PBX1: variants seen among roughly 807,000 people sequenced by gnomAD.
The protein encoded by PBX1 is PBX homeobox 1.
Under a neutral mutation model 53.4 loss-of-function variants are expected in PBX1, and 6 were observed. The ratio of observed to expected loss-of-function variants is 0.11; its 90% confidence interval spans 0.06 to 0.22. PBX1 has a LOEUF of 0.22. PBX1 is among the 10% of genes least tolerant of loss of function. The pLI is 1.00. For missense variants in PBX1, 251 were observed against 551.4 expected (o/e 0.46, Z 5.46); for synonymous variants, 204 against 212.3 (o/e 0.96, Z 0.34).
chr1:164,848,929 A>T lies in PBX1; in HGVS notation c.*2253A>T. On this transcript the variant is annotated 3_prime_UTR_variant, in exon 9 of 9. Transcript: ENST00000420696. ...ACTAAGTATTTAGCAAAATGAAATT[A>T]TGCCTTGATGACTAAAAGGCACTAG... The T allele has an allele frequency of 9.3e-7, 1 of 1,072,580 alleles. No individual in the cohort carries two copies. The highest frequency in any genetic ancestry group is 1.6e-5 in the African/African-American group (1 of 61,512). The allele number at this position is 1,072,580 out of a possible 1,614,324, so 66.4% of individuals were successfully genotyped here.
intron 4 of PBX1, among the ~76,000 whole-genome samples, chr1:164,805,194 C>T (rs1669287824): frequency 6.6e-6 from 1 of 152,174 alleles, no homozygotes; most frequent in Non-Finnish European, 1.5e-5. Context: ...AGATGCCCAA[C>T]TCACAAAGCT....
intron 2 of PBX1, among the ~76,000 whole-genome samples, chr1:164,633,981 G>T (rs1658581190): frequency 6.6e-6 from 1 of 152,202 alleles, no homozygotes; most frequent in Non-Finnish European, 1.5e-5. Context: ...ATTCAATTGA[G>T]GAAGGAGCTC....
At chr1:164,825,555 T>C (rs1670415780) in intron 8 of PBX1, among the ~76,000 whole-genome samples, 1 of 152,216 alleles carries the variant, frequency 6.6e-6, no homozygotes, top group Non-Finnish European at 1.5e-5. Flanking sequence ...CTACTTTAAA[T>C]GCTTATCCAC....
At chr1:164,853,773 G>A (rs1671914421), downstream of PBX1, among the ~76,000 whole-genome samples, 1 of 152,052 alleles carries the variant, frequency 6.6e-6, no homozygotes. Context: ...AAGTCTGGCA[G>A]CCAGCAGTCA....
chr1:164,599,591 A>C (rs1656023928), intron 2 of PBX1, among the ~76,000 whole-genome samples: 1 of 151,866 alleles, frequency 6.6e-6, no homozygotes. Flanking sequence ...TCAGGAGGGG[A>C]GGGGCACAGG....
chr1:164,817,908 A>G (rs1392370705), intron 6 of PBX1: 1 of 152,206 alleles, frequency 6.6e-6, no homozygotes, highest in Admixed American at 6.5e-5. Context: ...TGGTGCCAGG[A>G]TGGACCTTAA....
chr1:164,867,285 G>A (rs1026257621), intron 2 of PBX1, among the ~76,000 whole-genome samples: 13 of 152,124 alleles, frequency 8.5e-5, no homozygotes, highest in African/African-American at 3.1e-4. Flanking sequence ...GCACATGCCC[G>A]ACACACGGCA....
At chr1:164,649,457 T>C (rs1002529004) in intron 2 of PBX1, among the ~76,000 whole-genome samples, 4 of 152,148 alleles carry the variant, frequency 2.6e-5, no homozygotes, top group Non-Finnish European at 4.4e-5. Context: ...TTGACAAAAC[T>C]GTCATCCTCC....
chr1:164,797,688 C>T (rs1478571628), intron 3 of PBX1, among the ~76,000 whole-genome samples: 1 of 152,098 alleles, frequency 6.6e-6, no homozygotes, highest in Non-Finnish European at 1.5e-5. Context: ...ACCCAGTTAT[C>T]GATATATCCA....
chr1:164,682,847 C>T (rs1168676534), intron 2 of PBX1: 1 of 93,028 alleles, frequency 1.1e-5, no homozygotes, highest in African/African-American at 3.7e-5. Flanking sequence ...TTCCTTTGCT[C>T]CCCTCATACC....
At chr1:164,591,408 A>G (rs1415688839) in intron 2 of PBX1, among the ~76,000 whole-genome samples, 1 of 152,240 alleles carries the variant, frequency 6.6e-6, no homozygotes, top group African/African-American at 2.4e-5. Flanking sequence ...TGTGGATTCT[A>G]AATAATTTCG....
chr1:164,748,959 G>T lies in PBX1; in HGVS notation c.266-43535G>T, dbSNP rs183795112. 6.6e-4 allele frequency among the ~76,000 whole-genome samples: 100 copies of T among 152,190 alleles called. 2 individuals carry two copies. The highest frequency in any genetic ancestry group is 1.9e-4 in the Non-Finnish European group (13 of 68,024). ...CAAAAAGAGCAAGCTCACCACTCTT[G>T]GCATATTTTTTCCACCTTGACATTG... is the stretch of plus-strand genomic sequence containing the variant. On this transcript the variant is annotated intron_variant, in intron 2 of 8. Transcript: ENST00000420696.
intron 2 of PBX1, among the ~76,000 whole-genome samples, chr1:164,685,499 A>G (rs1662044392): frequency 6.6e-6 from 1 of 152,154 alleles, no homozygotes; most frequent in Admixed American, 6.5e-5. Flanking sequence ...TCTGAGCCAG[A>G]TTTCTGCTCC....
At position 164,884,154 on chromosome 1, in the gene PBX1, G is replaced by A. The variant is rs138778659; in HGVS notation, n.258-15034G>A. ...GTAATAATAACTATTTCGTAGAGTT[G>A]CTATGAAGATTAAACAAGCTAATGT... is the stretch of plus-strand genomic sequence containing the variant. On this transcript the variant is annotated intron_variant and non_coding_transcript_variant, in intron 2 of 2. Coordinates refer to the PBX1 transcript ENST00000558796. Among the ~76,000 whole-genome samples, 44 of 152,332 alleles carry A rather than the reference G, an allele frequency of 2.9e-4. No homozygotes were observed. In the East Asian group the frequency reaches 8.3e-3, roughly 29 times the overall value.
intron 2 of PBX1, among the ~76,000 whole-genome samples, chr1:164,654,918 G>C (rs1183477258): frequency 1.3e-5 from 2 of 152,140 alleles, no homozygotes; most frequent in East Asian, 1.9e-4. Flanking sequence ...GATGTGATCT[G>C]TATTATCACA....
At chr1:164,854,891 A>G (rs978165254), downstream of PBX1, among the ~76,000 whole-genome samples, 3 of 150,956 alleles carry the variant, frequency 2.0e-5, no homozygotes, top group Non-Finnish European at 4.4e-5. Flanking sequence ...TCTCTCCCAC[A>G]ATGCCCAGTC....
At chr1:164,710,830 A>C (rs1279060788) in intron 2 of PBX1, among the ~76,000 whole-genome samples, 1 of 152,196 alleles carries the variant, frequency 6.6e-6, no homozygotes, top group African/African-American at 2.4e-5. Flanking sequence ...TAATTATTTG[A>C]AATATTGTGA....
intron 2 of PBX1, among the ~76,000 whole-genome samples, chr1:164,666,795 AAAT>A (rs1351371517): frequency 3.3e-5 from 5 of 152,210 alleles, no homozygotes; most frequent in Admixed American, 3.3e-4. Flanking sequence ...TAGTAAAAAT[AAAT>A]AATAATTTAC....
chr1:164,616,620 G>A (rs531037284), intron 2 of PBX1, among the ~76,000 whole-genome samples: 2 of 152,236 alleles, frequency 1.3e-5, no homozygotes, highest in African/African-American at 2.4e-5. Flanking sequence ...GAAATTTTCA[G>A]TGAAGGTTAA....
Sources: allele counts gnomAD v4.1 joint callset (sites outside exome capture counted in the v4.1 genomes callset), GRCh38; gene constraint gnomAD v4.1.1; transcripts MANE v1.5; gene names NCBI Gene and HGNC (gene_info 2026-07-23, HGNC 2026-07-21).